The following SBF2 variants were observed in gnomAD, a reference collection of about 807,000 sequenced individuals.
SBF2 encodes the protein SET binding factor 2.
Under a neutral mutation model 225.2 loss-of-function variants are expected in SBF2, and 112 were observed. That is an observed-to-expected ratio of 0.50 (90% CI 0.43 to 0.58). SBF2 has a LOEUF of 0.58. Among genes scored for constraint, SBF2 ranks in the 20% least tolerant of loss-of-function variants. SBF2 has a pLI of 0.00. For missense variants in SBF2, 1,996 were observed against 2,206.2 expected, an observed-to-expected ratio of 0.90 and a Z score of 1.91; for synonymous variants, 763 against 773.3, an observed-to-expected ratio of 0.99 and a Z score of 0.22.
Position 9,890,365 on chromosome 11 carries a change from T to C in SBF2, c.1929+5578A>G, listed in dbSNP as rs574915561. On this transcript the variant is annotated intron_variant, in intron 17 of 39. Transcript: ENST00000256190. ...TGATATATAAATTATACTTCAATAA[T>C]CTTCTTCAAACAAATCTTTTGAATG... 2.0e-5 allele frequency among the ~76,000 whole-genome samples: 3 copies of C among 152,320 alleles called. No individual in the cohort carries two copies. In the East Asian group the frequency reaches 5.8e-4, roughly 29 times the overall value.
intron 2 of SBF2, among the ~76,000 whole-genome samples, chr11:10,092,130 C>G (rs1033317516): frequency 2.6e-5 from 4 of 152,090 alleles, no homozygotes; most frequent in African/African-American, 4.8e-5. Flanking sequence ...GAAAATAACT[C>G]TTCCAATCAC....
At chr11:9,872,476 G>A (rs1858858269) in intron 17 of SBF2, among the ~76,000 whole-genome samples, 1 of 152,086 alleles carries the variant, frequency 6.6e-6, no homozygotes, top group South Asian at 2.1e-4. Flanking sequence ...AAAAAAATAA[G>A]TAAAAATTAA....
intron 2 of SBF2, among the ~76,000 whole-genome samples, chr11:10,087,794 A>G (rs1012516072): frequency 6.6e-6 from 1 of 152,214 alleles, no homozygotes; most frequent in Non-Finnish European, 1.5e-5. Context: ...TAGTGACTGG[A>G]GTATTCCAAT....
intron 2 of SBF2, among the ~76,000 whole-genome samples, chr11:10,126,070 C>A (rs749064278): frequency 2.0e-5 from 3 of 152,158 alleles, no homozygotes; most frequent in Non-Finnish European, 4.4e-5. Flanking sequence ...CTTTTCACTT[C>A]ATCCATCGTT....
intron 1 of SBF2, among the ~76,000 whole-genome samples, chr11:10,277,129 T>A (rs1399723156): frequency 4.1e-5 from 3 of 73,010 alleles, no homozygotes; most frequent in African/African-American, 1.1e-4. Flanking sequence ...CGAGACCCCA[T>A]CTCAAAAAAA....
intron 6 of SBF2, among the ~76,000 whole-genome samples, chr11:10,022,668 T>C (rs915378047): frequency 1.3e-5 from 2 of 152,066 alleles, no homozygotes; most frequent in Non-Finnish European, 2.9e-5. Context: ...TTATCCACTT[T>C]CCTGATTTTT....
chr11:10,201,789 A>G (rs1386344558), intron 1 of SBF2, among the ~76,000 whole-genome samples: 1 of 152,224 alleles, frequency 6.6e-6, no homozygotes, highest in African/African-American at 2.4e-5. Context: ...TGAGGTCAGG[A>G]GTTCGAGACC....
intron 2 of SBF2, among the ~76,000 whole-genome samples, chr11:10,063,256 C>T (rs949276403): frequency 6.6e-5 from 10 of 151,448 alleles, no homozygotes; most frequent in African/African-American, 2.2e-4. Flanking sequence ...ATAATATGTA[C>T]AACAAACCCC....
At chr11:9,872,715 A>G (rs1277031341) in intron 17 of SBF2, among the ~76,000 whole-genome samples, 1 of 152,156 alleles carries the variant, frequency 6.6e-6, no homozygotes, top group Non-Finnish European at 1.5e-5. Context: ...TGGCAGTACT[A>G]TGGAAAAAAT....
intron 2 of SBF2, among the ~76,000 whole-genome samples, chr11:10,122,961 C>G (rs1212698148): frequency 6.6e-6 from 1 of 152,206 alleles, no homozygotes; most frequent in Non-Finnish European, 1.5e-5. Context: ...CACACACATA[C>G]ACACCCATAC....
In SBF2 at chr11:9,785,201, T is replaced by A. The variant is rs1427863632; in HGVS notation, c.5155A>T (p.Ile1719Phe). 1 of 1,614,168 alleles carries A rather than the reference T, an allele frequency of 6.2e-7. No homozygotes were observed. The highest frequency in any genetic ancestry group is 8.5e-7 in the Non-Finnish European group (1 of 1,180,020). ...CGCTCCACTCCATTGGATGGGGAGA[T>A]GCTGGAATTCTGTTCCTCCCCCATG... ...SSMGEEQNSS[I>F]SPSNGVERRA... is the part of the protein sequence containing the mutation. The change falls in exon 37 of 40, where the codon ATC becomes TTC. Residue 1719 changes from isoleucine (I) to phenylalanine (F), a missense_variant. Transcript: ENST00000256190.
In SBF2 at chr11:10,055,598, A is replaced by T. The variant is rs192081989; in HGVS notation, c.142-12617T>A. The stretch of plus-strand genomic sequence containing the variant: ...CATGGAATACTACTAACTCATAAAA[A>T]AGAACAAAATAATGTTTTTTGCAGC... On this transcript the variant is annotated intron_variant, in intron 2 of 39. Transcript: ENST00000256190. 5.3e-5 allele frequency among the ~76,000 whole-genome samples: 8 copies of T among 152,126 alleles called. No homozygotes were observed. The East Asian group carries it at 1.5e-3, about 29-fold the overall frequency.
chr11:10,008,775 C>T (rs72857192), intron 6 of SBF2, among the ~76,000 whole-genome samples: 8,088 of 152,308 alleles, frequency 0.053, 300 homozygotes, highest in Middle Eastern at 0.16. Flanking sequence ...GGCCTACAGT[C>T]CAGCTGGCTC....
chr11:10,283,433 A>T (rs1402089846), intron 1 of SBF2, among the ~76,000 whole-genome samples: 1 of 152,188 alleles, frequency 6.6e-6, no homozygotes, highest in Non-Finnish European at 1.5e-5. Flanking sequence ...ATAAATTTAC[A>T]TTCTAGCTTG....
At chr11:10,219,955 T>C (rs1438747429) in intron 1 of SBF2, among the ~76,000 whole-genome samples, 1 of 152,202 alleles carries the variant, frequency 6.6e-6, no homozygotes, top group Admixed American at 6.5e-5. Context: ...CCTCTGCCTA[T>C]TACCCAGTTC....
At chr11:9,949,154 A>C (rs1428743240) in intron 16 of SBF2, among the ~76,000 whole-genome samples, 2 of 152,174 alleles carry the variant, frequency 1.3e-5, no homozygotes, top group Non-Finnish European at 2.9e-5. Flanking sequence ...AATTTCTAAA[A>C]AATTTTACTT....
intron 1 of SBF2, among the ~76,000 whole-genome samples, chr11:10,227,318 T>G (rs556442535): frequency 3.2e-4 from 49 of 152,356 alleles, no homozygotes; most frequent in African/African-American, 9.1e-4. Flanking sequence ...AGAAGCTCTT[T>G]AGTTTAATTA....
intron 2 of SBF2, among the ~76,000 whole-genome samples, chr11:10,174,692 T>C (rs1206149694): frequency 6.6e-6 from 1 of 151,754 alleles, no homozygotes; most frequent in South Asian, 2.1e-4. Flanking sequence ...GAAGAGCAAC[T>C]CCAAGACACA....
In SBF2 at chr11:9,870,888, C is replaced by T. The variant is rs567867766; in HGVS notation, c.1930-12492G>A. ...ACTTGGGAGGCTGAGGCAGCAGAATCGCCTGAACCCAGGAGGTGGAGGTTG... is the reference window on the plus strand; with the variant it reads ...ACTTGGGAGGCTGAGGCAGCAGAATTGCCTGAACCCAGGAGGTGGAGGTTG... On this transcript the variant is annotated intron_variant, in intron 17 of 39. Coordinates refer to ENST00000256190, the MANE Select transcript of SBF2 (RefSeq NM_030962.4). 1.3e-4 allele frequency among the ~76,000 whole-genome samples: 20 copies of T among 151,380 alleles called. No homozygotes were observed. In the South Asian group the frequency reaches 3.3e-3, roughly 25 times the overall value.
Sources: gnomAD v4.1 joint callset for allele counts (sites outside exome capture counted in the v4.1 genomes callset) on GRCh38, gnomAD v4.1.1 for gene constraint, MANE v1.5 for transcripts, NCBI Gene and HGNC (gene_info 2026-07-23, HGNC 2026-07-21) for gene names.